ANKRD30A: variants seen among roughly 807,000 people sequenced by gnomAD.
The protein encoded by ANKRD30A is ankyrin repeat domain-containing protein 30A.
In ANKRD30A, 170 loss-of-function variants were observed where a neutral mutation model predicts 166.3. The observed-to-expected ratio is 1.02, with a 90% CI of 0.90 to 1.16. The LOEUF (loss-of-function observed/expected upper bound fraction) is 1.16. Ranked by LOEUF, ANKRD30A falls within the 50% of genes most tolerant of loss-of-function variation. ANKRD30A has a pLI of 0.00. For missense variants in ANKRD30A, 1,630 were observed against 1,518.0 expected (o/e 1.07, Z -1.23); for synonymous variants, 564 against 508.9 (o/e 1.11, Z -1.46).
chr10:37,125,650 GC>G lies in ANKRD30A; in HGVS notation c.-137del, dbSNP rs1835948433. The stretch of plus-strand genomic sequence containing the variant: ...AGAGGCCTGAGTGTGCAAGAGCTTG[GC>G]GAACACAGAACTTTTTACGGGTATC... On this transcript the variant is annotated 5_prime_UTR_variant, in exon 1 of 36. Coordinates refer to ENST00000361713, the MANE Select transcript of ANKRD30A (RefSeq NM_052997.3). 1 of 390,636 alleles carries G rather than the reference GC, an allele frequency of 2.6e-6. No homozygotes were observed. Among genetic ancestry groups the G allele is most frequent in the Non-Finnish European group, 4.8e-6 (1 of 206,840 alleles). 24.2% of individuals were successfully genotyped at this position (390,636 alleles called of 1,614,324 possible). A position where few individuals can be genotyped will look rare whatever the true frequency, so the allele number is the denominator to read the frequency against.
the ANKRD30A span, chr10:37,241,183 T>C: frequency 6.6e-6 from 1 of 151,832 alleles, no homozygotes; most frequent in African/African-American, 2.4e-5. Flanking sequence ...GGTGCTGAAC[T>C]AGAATCTATA....
chr10:37,254,265 A>T, the ANKRD30A span, among the ~76,000 whole-genome samples: 1 of 152,146 alleles, frequency 6.6e-6, no homozygotes, highest in African/African-American at 2.4e-5. Flanking sequence ...TAAGCTACCT[A>T]TGTATATTCT....
intron 34 of ANKRD30A, 132 bp downstream of exon 34, chr10:37,220,029 A>ATATATATATATATATATATATATATG (rs1366777838): frequency 1.3e-5 from 2 of 148,444 alleles, no homozygotes; most frequent in Non-Finnish European, 2.5e-5. Flanking sequence ...ATATATATAT[A>ATATATATATATATATATATATATATG]ATATATGTAT....
At chr10:37,162,071 A>T (rs1838942947) in intron 15 of ANKRD30A, among the ~76,000 whole-genome samples, 1 of 152,158 alleles carries the variant, frequency 6.6e-6, no homozygotes, top group African/African-American at 2.4e-5. Context: ...GCATGAGTGG[A>T]TCCAGAAGCA....
chr10:37,150,887 A>T (rs1046540156), intron 11 of ANKRD30A, among the ~76,000 whole-genome samples: 1 of 152,050 alleles, frequency 6.6e-6, no homozygotes, highest in Non-Finnish European at 1.5e-5. Flanking sequence ...GCAATCATAC[A>T]CTCCACTAAG....
At chr10:37,198,196 A>G (rs1271567324) in intron 29 of ANKRD30A, among the ~76,000 whole-genome samples, 1 of 152,086 alleles carries the variant, frequency 6.6e-6, no homozygotes, top group Non-Finnish European at 1.5e-5. Flanking sequence ...GCATGTTTAA[A>G]CATTTTACAA....
intron 1 of ANKRD30A, among the ~76,000 whole-genome samples, chr10:37,129,145 T>C (rs1418451397): frequency 6.6e-6 from 1 of 152,182 alleles, no homozygotes; most frequent in East Asian, 1.9e-4. Flanking sequence ...TCTTTCAGTG[T>C]TAATCCTGTG....
At chr10:37,167,117 G>A (rs1839416368) in intron 19 of ANKRD30A, among the ~76,000 whole-genome samples, 1 of 151,784 alleles carries the variant, frequency 6.6e-6, no homozygotes, top group African/African-American at 2.4e-5. Context: ...GATGATTTTG[G>A]ATTTTCTATG....
At chr10:37,251,433 C>T in the ANKRD30A span, among the ~76,000 whole-genome samples, 1 of 152,146 alleles carries the variant, frequency 6.6e-6, no homozygotes. Context: ...CCAAAGGACC[C>T]TTGTCTAACA....
chr10:37,196,486 T>C (rs944317012), intron 27 of ANKRD30A, among the ~76,000 whole-genome samples: 59 of 152,304 alleles, frequency 3.9e-4, no homozygotes, highest in Middle Eastern at 3.4e-3. Context: ...AATGATACAC[T>C]GAACCAGACG....
At chr10:37,246,550 A>G in the ANKRD30A span, among the ~76,000 whole-genome samples, 11 of 152,330 alleles carry the variant, frequency 7.2e-5, no homozygotes, top group South Asian at 2.1e-4. Flanking sequence ...ATTCTTAAAA[A>G]CACTAGACAT....
At chr10:37,240,059 A>G in the ANKRD30A span, among the ~76,000 whole-genome samples, 4 of 152,106 alleles carry the variant, frequency 2.6e-5, no homozygotes. Flanking sequence ...GGAAATGGCT[A>G]TTTACAGTTT....
Position 37,218,593 on chromosome 10 carries a change from A to G in ANKRD30A, c.3268-387A>G, listed in dbSNP as rs1564586108. ...TGGGAAATTTTATCTGTCTAAATATATGCAGCACTAAGATTCTTAGTATAT... is the reference window on the plus strand; with the variant it reads ...TGGGAAATTTTATCTGTCTAAATATGTGCAGCACTAAGATTCTTAGTATAT... On this transcript the variant is annotated intron_variant, in intron 33 of 35. Transcript: ENST00000361713. Among the ~76,000 whole-genome samples, 2 of 151,052 alleles carry G rather than the reference A, an allele frequency of 1.3e-5. 1 individual carries two copies. The highest frequency in any genetic ancestry group is 3.9e-4 in the East Asian group (2 of 5,148).
chr10:37,193,087 C>A lies in ANKRD30A; in HGVS notation c.2536C>A (p.Leu846Met), dbSNP rs757725579. The A allele has an allele frequency of 9.3e-6, 15 of 1,607,594 alleles. No individual in the cohort carries two copies. In the South Asian group the frequency reaches 1.5e-4, roughly 17 times the overall value. The part of the protein sequence containing the change: ...LEESPDNDGF[L>M]KAPCRMKVSI... ...AGAGTCTCCTGATAATGATGGTTTTCTGAAGGTAATAACTTTTATATTTTT... is the reference window on the plus strand; with the variant it reads ...AGAGTCTCCTGATAATGATGGTTTTATGAAGGTAATAACTTTTATATTTTT... The change falls in exon 26 of 36, where the codon CTG becomes ATG. Residue 846 changes from leucine (L) to methionine (M), a missense_variant. By Grantham distance (15) the Leu-to-Met change is conservative. This residue lies in a region of ANKRD30A where 712 missense variants were observed against 629.3 expected (regional missense o/e 1.13). Coordinates refer to ENST00000361713, the MANE Select transcript of ANKRD30A (RefSeq NM_052997.3).
At chr10:37,230,579 A>G (rs1451776424) in intron 34 of ANKRD30A, among the ~76,000 whole-genome samples, 5 of 152,078 alleles carry the variant, frequency 3.3e-5, no homozygotes, top group East Asian at 1.9e-4. Context: ...AGAAATACTA[A>G]TAAGTTTAAC....
At chr10:37,165,894 C>A (rs2490105) in intron 18 of ANKRD30A, among the ~76,000 whole-genome samples, 52,023 of 151,614 alleles carry the variant, frequency 0.34, 9,560 homozygotes, top group Non-Finnish European at 0.41. Context: ...CTGATGGTAA[C>A]AGCAAAGGGT....
At chr10:37,195,597 T>G (rs1841009791) in intron 27 of ANKRD30A, among the ~76,000 whole-genome samples, 1 of 152,160 alleles carries the variant, frequency 6.6e-6, no homozygotes, top group African/African-American at 2.4e-5. Flanking sequence ...TTACACATAT[T>G]TATTTAAAAA....
At chr10:37,210,600 C>T (rs1345312243) in intron 31 of ANKRD30A, among the ~76,000 whole-genome samples, 1 of 152,190 alleles carries the variant, frequency 6.6e-6, no homozygotes, top group Non-Finnish European at 1.5e-5. Flanking sequence ...AAAAACGATT[C>T]TATTTCTCCA....
intron 12 of ANKRD30A, among the ~76,000 whole-genome samples, chr10:37,152,414 G>C (rs1838020197): frequency 6.6e-6 from 1 of 152,040 alleles, no homozygotes; most frequent in Admixed American, 6.6e-5. Flanking sequence ...TTGTCTAAAA[G>C]TGAAAGAATT....
Sources: allele counts gnomAD v4.1 joint callset (sites outside exome capture counted in the v4.1 genomes callset), GRCh38; gene constraint gnomAD v4.1.1; regional missense constraint gnomAD v4.1.1; transcripts MANE v1.5; gene names NCBI Gene and HGNC (gene_info 2026-07-23, HGNC 2026-07-21).